Variants in SLC22A4 observed in about 807,000 individuals in gnomAD.
The protein encoded by SLC22A4 is ET transporter.
A neutral mutation model predicts 56.6 loss-of-function variants in SLC22A4; 39 were observed. The observed-to-expected ratio is 0.69, with a 90% CI of 0.53 to 0.90. The LOEUF (loss-of-function observed/expected upper bound fraction) is 0.90. Among genes scored for constraint, SLC22A4 ranks in the 40% least tolerant of loss-of-function variants. The pLI, the probability that SLC22A4 is intolerant of heterozygous loss-of-function variation, is 0.00. For synonymous variants in SLC22A4, 241 were observed against 281.4 expected, an observed-to-expected ratio of 0.86 and a Z score of 1.44; for missense variants, 594 against 696.5, an observed-to-expected ratio of 0.85 and a Z score of 1.66.
intron 1 of SLC22A4, among the ~76,000 whole-genome samples, chr5:132,310,449 C>T (rs1382024183): frequency 6.6e-6 from 1 of 152,222 alleles, no homozygotes; most frequent in Non-Finnish European, 1.5e-5. Flanking sequence ...ACTGGCAGAA[C>T]ACATTAATCT....
chr5:132,295,078 A>T, intron 1 of SLC22A4, 69 bp downstream of exon 1: 2 of 1,522,514 alleles, frequency 1.3e-6, no homozygotes, highest in East Asian at 4.8e-5. Flanking sequence ...CCCCCTTGAG[A>T]CTCCCTGCGC....
intron 5 of SLC22A4, among the ~76,000 whole-genome samples, chr5:132,329,258 T>C (rs1318926538): frequency 6.6e-6 from 1 of 152,046 alleles, no homozygotes; most frequent in East Asian, 1.9e-4. Context: ...CCTTCTTTCT[T>C]CCTGCCATGA....
At chr5:132,335,762 T>C (rs1751003396) in intron 7 of SLC22A4, 56 bp from the exon 8 acceptor site, 11 of 1,384,238 alleles carry the variant, frequency 7.9e-6, no homozygotes, top group Admixed American at 3.3e-5. Flanking sequence ...AAATAACTGA[T>C]ATAAGAAAGT....
Position 132,334,893 on chromosome 5 carries a change from G to C in SLC22A4, c.1222G>C (p.Gly408Arg), listed in dbSNP as rs1259500372. 1 of 1,613,804 alleles carries C rather than the reference G, an allele frequency of 6.2e-7. No homozygotes were observed. The highest frequency in any genetic ancestry group is 1.7e-5 in the Admixed American group (1 of 60,028). The change falls in exon 7 of 10, where the codon GGA (glycine) becomes CGA (arginine). Residue 408 changes from glycine to arginine, a missense_variant. By Grantham distance (125) the Gly-to-Arg change is moderately radical. Transcript: ENST00000200652. The part of the protein sequence containing the change: ...RYIIAAVLFW[G>R]GGVLLFIQLV... ...TATCATAGCTGCAGTACTGTTCTGG[G>C]GAGGAGGTGTGCTTCTCTTCATTCA...
Position 132,343,319 on chromosome 5 carries a change from C to T in SLC22A4, c.1581-441C>T, listed in dbSNP as rs143240462. Among the ~76,000 whole-genome samples the T allele has an allele frequency of 1.4e-4, 22 of 152,284 alleles. No individual in the cohort carries two copies. In the East Asian group the frequency reaches 2.9e-3, roughly 20 times the overall value. On this transcript the variant is annotated intron_variant, in intron 9 of 9. Transcript: ENST00000200652. ...CATCTGCTATATGGGATATTTCATACGGCTATTTTGAGGTTATAAAAGATA... is the reference window on the plus strand; with the variant it reads ...CATCTGCTATATGGGATATTTCATATGGCTATTTTGAGGTTATAAAAGATA...
At chr5:132,311,310 A>G (rs1008670708) in intron 1 of SLC22A4, 3 of 152,244 alleles carry the variant, frequency 2.0e-5, no homozygotes, top group Non-Finnish European at 4.4e-5. Flanking sequence ...ATTTGTTTTT[A>G]ATAAATGAAA....
chr5:132,303,203 A>G (rs1309543783), intron 1 of SLC22A4, among the ~76,000 whole-genome samples: 1 of 152,256 alleles, frequency 6.6e-6, no homozygotes, highest in East Asian at 1.9e-4. Context: ...CAATTAGCAC[A>G]TGAAAAGATT....
chr5:132,312,232 C>T lies in SLC22A4; in HGVS notation c.465C>T (p.Leu155=), dbSNP rs11568511. Residue 155 remains leucine, a synonymous_variant, in exon 2 of 10, where the codon CTC becomes CTT. Coordinates refer to ENST00000200652, the MANE Select transcript of SLC22A4 (RefSeq NM_003059.3). ...TTSLFFVGVL[L]GSFVSGQLSD... ...CCCTGTTCTTCGTAGGCGTGCTCCT[C>T]GGCTCCTTCGTGTCCGGGCAGCTGT... is the stretch of plus-strand genomic sequence containing the variant. 2.9e-3 allele frequency: 4,637 copies of T among 1,613,532 alleles called. 30 individuals are homozygous for T. The highest frequency in any genetic ancestry group is 0.02 in the South Asian group (1,787 of 91,082).
chr5:132,330,002 C>A (rs556302762), intron 5 of SLC22A4, among the ~76,000 whole-genome samples: 1 of 152,318 alleles, frequency 6.6e-6, no homozygotes, highest in East Asian at 1.9e-4. Flanking sequence ...GTGTGCACCA[C>A]CCTGGAACCC....
At chr5:132,310,820 A>G (rs890536808) in intron 1 of SLC22A4, among the ~76,000 whole-genome samples, 6 of 152,298 alleles carry the variant, frequency 3.9e-5, no homozygotes, top group Admixed American at 1.3e-4. Flanking sequence ...TCTGCGAATA[A>G]GCAGACTACT....
At chr5:132,300,722 T>G (rs573736669) in intron 1 of SLC22A4, among the ~76,000 whole-genome samples, 1 of 152,362 alleles carries the variant, frequency 6.6e-6, no homozygotes, top group East Asian at 1.9e-4. Context: ...TTTATCTGTC[T>G]CTGCAGTCAG....
intron 1 of SLC22A4, among the ~76,000 whole-genome samples, chr5:132,309,445 T>G (rs1309295667): frequency 2.0e-5 from 3 of 152,232 alleles, no homozygotes; most frequent in Non-Finnish European, 4.4e-5. Context: ...CTGTGCTGCA[T>G]GATGCTGACA....
chr5:132,343,923 T>C lies in SLC22A4; in HGVS notation c.*88T>C, dbSNP rs1234709022. 2 of 787,880 alleles carry C rather than the reference T, an allele frequency of 2.5e-6. No individual in the cohort carries two copies. The highest frequency in any genetic ancestry group is 3.5e-5 in the African/African-American group (2 of 57,016). The allele number at this position is 787,880 out of a possible 1,614,324, so 48.8% of individuals were successfully genotyped here. On this transcript the variant is annotated 3_prime_UTR_variant, in exon 10 of 10. Transcript: ENST00000200652. ...GTTGTTCCCACTGAAATGGACTGAC[T>C]GTAACGATTGACACCAAAATGAACC...
In SLC22A4 at chr5:132,302,463, T is replaced by C. The variant is rs149679907; in HGVS notation, c.393+7454T>C. ...AAGCTGTGTTGTGGTTTTATGCATG[T>C]CTCTGGAGTCCAAAAGAAAGGCAAG... On this transcript the variant is annotated intron_variant, in intron 1 of 9. Transcript: ENST00000200652. 8.6e-3 allele frequency among the ~76,000 whole-genome samples: 1,303 copies of C among 152,182 alleles called. 24 individuals carry two copies. The highest frequency in any genetic ancestry group is 0.03 in the African/African-American group (1,252 of 41,512).
chr5:132,337,526 C>T (rs1480529836), intron 8 of SLC22A4, among the ~76,000 whole-genome samples: 1 of 151,946 alleles, frequency 6.6e-6, no homozygotes, highest in African/African-American at 2.4e-5. Context: ...ATCCACCCGC[C>T]TCAACCTCCC....
intron 8 of SLC22A4, among the ~76,000 whole-genome samples, chr5:132,336,621 C>G (rs1184794821): frequency 1.3e-5 from 2 of 152,096 alleles, no homozygotes; most frequent in African/African-American, 4.8e-5. Flanking sequence ...ATCAGAATAT[C>G]CTTCCAAATA....
chr5:132,305,105 AC>A (rs1434210387), intron 1 of SLC22A4, among the ~76,000 whole-genome samples: 1 of 152,212 alleles, frequency 6.6e-6, no homozygotes, highest in East Asian at 1.9e-4. Flanking sequence ...ACTGAATAGA[AC>A]TTCTGGAGTA....
chr5:132,341,745 C>G (rs1220605716), intron 9 of SLC22A4, among the ~76,000 whole-genome samples: 1 of 151,910 alleles, frequency 6.6e-6, no homozygotes, highest in African/African-American at 2.4e-5. Flanking sequence ...GTCAGGAGTT[C>G]GAGAACAGTC....
intron 3 of SLC22A4, among the ~76,000 whole-genome samples, chr5:132,321,884 G>C (rs1750551559): frequency 6.6e-6 from 1 of 151,580 alleles, no homozygotes; most frequent in Non-Finnish European, 1.5e-5. Flanking sequence ...CTGCAGCCCG[G>C]GCAACAGAGG....
Sources: allele counts gnomAD v4.1 joint callset (sites outside exome capture counted in the v4.1 genomes callset), GRCh38; gene constraint gnomAD v4.1.1; transcripts MANE v1.5; gene names NCBI Gene and HGNC (gene_info 2026-07-23, HGNC 2026-07-21).